The following STK39 variants were observed in gnomAD, a reference collection of about 807,000 sequenced individuals.
The protein encoded by STK39 is serine/threonine kinase 39.
In STK39, 20 loss-of-function variants were observed where a neutral mutation model predicts 77.8. The ratio of observed to expected loss-of-function variants is 0.26; its 90% CI spans 0.18 to 0.37. The LOEUF is 0.37. Among genes scored for constraint, STK39 ranks in the 10% least tolerant of loss-of-function variants. The probability of loss-of-function intolerance (pLI) is 1.00; values close to 1 mark genes in which losing one functional copy is unlikely to be tolerated. For synonymous variants in STK39, 246 were observed against 234.1 expected, an observed-to-expected ratio of 1.05 and a Z score of -0.47; for missense variants, 479 against 656.5, an observed-to-expected ratio of 0.73 and a Z score of 2.95.
chr2:168,162,503 C>A (rs1424322308), intron 4 of STK39, among the ~76,000 whole-genome samples: 1 of 151,966 alleles, frequency 6.6e-6, no homozygotes, highest in Non-Finnish European at 1.5e-5. Flanking sequence ...AGTATTAAAG[C>A]CCAGTCTATG....
intron 14 of STK39, among the ~76,000 whole-genome samples, chr2:168,045,811 G>A (rs1000838820): frequency 9.2e-5 from 14 of 152,150 alleles, no homozygotes; most frequent in African/African-American, 3.4e-4. Context: ...CACGACATCT[G>A]ACTCCTCCAA....
intron 10 of STK39, among the ~76,000 whole-genome samples, chr2:168,105,216 T>C (rs750177399): frequency 1.8e-4 from 28 of 152,194 alleles, no homozygotes; most frequent in Non-Finnish European, 3.4e-4. Context: ...AGTTTGTTAG[T>C]ATGAGAATGA....
chr2:168,190,486 T>C (rs561976655), intron 1 of STK39, among the ~76,000 whole-genome samples: 1 of 152,348 alleles, frequency 6.6e-6, no homozygotes, highest in African/African-American at 2.4e-5. Context: ...GGAGAGCTCA[T>C]TCTGAAGAGC....
At chr2:168,067,471 G>A (rs565402708) in intron 12 of STK39, among the ~76,000 whole-genome samples, 4 of 152,174 alleles carry the variant, frequency 2.6e-5, no homozygotes, top group African/African-American at 7.2e-5. Flanking sequence ...ATGAGCAAAA[G>A]CTCCCTGAGG....
At chr2:168,230,636 G>T (rs1690429496) in intron 1 of STK39, among the ~76,000 whole-genome samples, 1 of 152,178 alleles carries the variant, frequency 6.6e-6, no homozygotes, top group Non-Finnish European at 1.5e-5. Flanking sequence ...GCTATAGATA[G>T]CTGATACAGG....
chr2:168,107,587 A>G (rs185812133), intron 10 of STK39, among the ~76,000 whole-genome samples: 1 of 152,336 alleles, frequency 6.6e-6, no homozygotes, highest in Admixed American at 6.5e-5. Context: ...TCATTATTTG[A>G]CGTTAAAAAT....
At chr2:167,979,540 C>A (rs79102043) in intron 16 of STK39, among the ~76,000 whole-genome samples, 1 of 152,104 alleles carries the variant, frequency 6.6e-6, no homozygotes, top group Non-Finnish European at 1.5e-5. Flanking sequence ...TAGGTAGAAG[C>A]CTCTTTCTAA....
chr2:168,024,331 G>T (rs1254463991), intron 14 of STK39, among the ~76,000 whole-genome samples: 4 of 152,186 alleles, frequency 2.6e-5, no homozygotes, highest in Non-Finnish European at 2.9e-5. Flanking sequence ...TTCCTCAACT[G>T]TGAGAGGGGG....
chr2:168,111,621 T>C (rs1203782249), intron 10 of STK39, among the ~76,000 whole-genome samples: 1 of 152,208 alleles, frequency 6.6e-6, no homozygotes, highest in African/African-American at 2.4e-5. Flanking sequence ...ACCCAACTTA[T>C]TTTAGTTCTC....
chr2:168,132,182 T>C (rs1559112378), intron 8 of STK39, among the ~76,000 whole-genome samples: 1 of 152,134 alleles, frequency 6.6e-6, no homozygotes, highest in Non-Finnish European at 1.5e-5. Flanking sequence ...CTAAGAAGCA[T>C]AGAAAATAAC....
intron 10 of STK39, among the ~76,000 whole-genome samples, chr2:168,097,097 T>C (rs1365305545): frequency 1.3e-5 from 2 of 152,218 alleles, no homozygotes; most frequent in East Asian, 3.9e-4. Context: ...TATATCACTT[T>C]TACCAACACT....
intron 1 of STK39, among the ~76,000 whole-genome samples, chr2:168,183,136 C>A (rs1401897138): frequency 6.6e-6 from 1 of 152,160 alleles, no homozygotes; most frequent in Non-Finnish European, 1.5e-5. Context: ...GGCTTTCCCA[C>A]CCCAAGGAAG....
At chr2:168,178,768 T>C (rs10221810) in intron 2 of STK39, among the ~76,000 whole-genome samples, 15,769 of 152,178 alleles carry the variant, frequency 0.1, 1,605 homozygotes, top group East Asian at 0.31. Flanking sequence ...AAATGATGAC[T>C]GCTTGACTCC....
intron 8 of STK39, 147 bp downstream of exon 8, chr2:168,137,941 A>G: frequency 9.0e-7 from 1 of 1,115,632 alleles, no homozygotes; most frequent in Non-Finnish European, 1.2e-6. Context: ...GTCTTTCACT[A>G]ACAGGTTGGA....
intron 10 of STK39, among the ~76,000 whole-genome samples, chr2:168,093,496 G>A (rs766307886): frequency 1.3e-4 from 20 of 152,218 alleles, no homozygotes; most frequent in African/African-American, 4.3e-4. Flanking sequence ...GGGAAAACCC[G>A]CCCCCATGAT....
intron 1 of STK39, among the ~76,000 whole-genome samples, chr2:168,190,317 G>A (rs760260272): frequency 1.3e-5 from 2 of 152,204 alleles, no homozygotes; most frequent in African/African-American, 4.8e-5. Flanking sequence ...ATAACCTAAA[G>A]CAAGGGGAAG....
chr2:168,064,359 C>G (rs1461407089), intron 13 of STK39, among the ~76,000 whole-genome samples: 1 of 152,198 alleles, frequency 6.6e-6, no homozygotes, highest in African/African-American at 2.4e-5. Flanking sequence ...CCAATCCCTA[C>G]AGTTTATCTC....
At chr2:168,115,880 G>C (rs1687245624) in intron 10 of STK39, among the ~76,000 whole-genome samples, 1 of 152,162 alleles carries the variant, frequency 6.6e-6, no homozygotes, top group Non-Finnish European at 1.5e-5. Flanking sequence ...AGGCTGAAGA[G>C]CGAAGAAGGG....
intron 14 of STK39, among the ~76,000 whole-genome samples, chr2:168,054,801 C>A (rs1011013384): frequency 6.6e-6 from 1 of 151,816 alleles, no homozygotes. Flanking sequence ...CACACACACA[C>A]AAAAAACAAT....
Sources: allele counts gnomAD v4.1 joint callset (sites outside exome capture counted in the v4.1 genomes callset), GRCh38; gene constraint gnomAD v4.1.1; transcripts MANE v1.5; gene names NCBI Gene and HGNC (gene_info 2026-07-23, HGNC 2026-07-21).